The following XXYLT1 variants were observed in gnomAD, a reference collection of about 807,000 sequenced individuals.
XXYLT1 encodes the protein UDP-xylose:alpha-xyloside alpha-1,3-xylosyltransferase.
Under a neutral mutation model 28.9 loss-of-function variants are expected in XXYLT1, and 20 were observed. The observed-to-expected ratio is 0.69, with a 90% CI of 0.49 to 1.00. XXYLT1 has a LOEUF of 1.00. XXYLT1 is among the 50% of genes least tolerant of loss of function. The pLI is 0.00. For missense variants in XXYLT1, 542 were observed against 560.1 expected (o/e 0.97, Z 0.33); for synonymous variants, 257 against 253.8 (o/e 1.01, Z -0.12).
intron 1 of XXYLT1, 135 bp from the exon 2 acceptor site, chr3:195,226,991 TA>T: frequency 9.4e-7 from 1 of 1,066,228 alleles, no homozygotes; most frequent in Non-Finnish European, 1.3e-6. Context: ...GGGATGGGGC[TA>T]GGGGTAGCAA....
intron 3 of XXYLT1, among the ~76,000 whole-genome samples, chr3:195,090,075 A>G (rs1021596572): frequency 3.3e-5 from 5 of 150,324 alleles, no homozygotes; most frequent in Non-Finnish European, 7.4e-5. Context: ...CACATTAATA[A>G]TGGGAGACTT....
At chr3:195,230,731 T>C (rs1724265615) in intron 1 of XXYLT1, among the ~76,000 whole-genome samples, 1 of 152,208 alleles carries the variant, frequency 6.6e-6, no homozygotes, top group Non-Finnish European at 1.5e-5. Flanking sequence ...TCTGTTGCAT[T>C]GGTCTACGTG....
chr3:195,139,873 C>G (rs945408227), intron 3 of XXYLT1, among the ~76,000 whole-genome samples: 1 of 152,194 alleles, frequency 6.6e-6, no homozygotes, highest in Non-Finnish European at 1.5e-5. Flanking sequence ...TGGACTTCTC[C>G]CAGATGAGGA....
At chr3:195,131,086 CCCAAA>C (rs1224111995) in intron 3 of XXYLT1, among the ~76,000 whole-genome samples, 1 of 74,242 alleles carries the variant, frequency 1.3e-5, no homozygotes, top group East Asian at 1.9e-3. Context: ...AGAAATGGGA[CCCAAA>C]CAGTGTTCTC....
At chr3:195,236,267 G>C (rs986537101) in intron 1 of XXYLT1, among the ~76,000 whole-genome samples, 57 of 152,052 alleles carry the variant, frequency 3.7e-4, no homozygotes. Flanking sequence ...AAATCTGCCT[G>C]GTGCTCTATT....
In XXYLT1 at chr3:195,150,813, TAC is replaced by T. The variant is rs1193114506; in HGVS notation, c.785+5634_785+5635del. ...ATATGCACACTCTCACACACTCACA[TAC>T]ACACACACTCACACATACGCACACT... On this transcript the variant is annotated intron_variant, in intron 3 of 3. Coordinates refer to ENST00000310380, the MANE Select transcript of XXYLT1 (RefSeq NM_152531.5). The surrounding 1 kb of genome is among the most constrained non-coding windows in gnomAD (Gnocchi z 4.7). Among the ~76,000 whole-genome samples, 4 of 149,104 alleles carry T rather than the reference TAC, an allele frequency of 2.7e-5. No homozygotes were observed. The highest frequency in any genetic ancestry group is 4.1e-4 in the East Asian group (2 of 4,938).
intron 1 of XXYLT1, among the ~76,000 whole-genome samples, chr3:195,254,834 T>C (rs991887377): frequency 2.6e-5 from 4 of 152,152 alleles, no homozygotes; most frequent in Non-Finnish European, 4.4e-5. Flanking sequence ...CTCACACCAA[T>C]GTTTTGGGGC....
intron 2 of XXYLT1, chr3:195,184,801 G>C (rs1722105250): frequency 2.0e-6 from 2 of 985,282 alleles, no homozygotes; most frequent in African/African-American, 1.7e-5. Context: ...CTTCAATTAG[G>C]AAAAAAATCT....
At chr3:195,233,317 A>G (rs897708699) in intron 1 of XXYLT1, among the ~76,000 whole-genome samples, 2 of 152,062 alleles carry the variant, frequency 1.3e-5, no homozygotes, top group Admixed American at 6.5e-5. Flanking sequence ...AAAAAAATCT[A>G]TTCATTCACT....
chr3:195,131,738 C>T (rs1029543081), intron 3 of XXYLT1, among the ~76,000 whole-genome samples: 1 of 152,200 alleles, frequency 6.6e-6, no homozygotes, highest in Non-Finnish European at 1.5e-5. Flanking sequence ...AAATGTTTAC[C>T]AGTGACCCCA....
At chr3:195,215,893 C>G (rs1368067276) in intron 2 of XXYLT1, among the ~76,000 whole-genome samples, 1 of 152,202 alleles carries the variant, frequency 6.6e-6, no homozygotes, top group African/African-American at 2.4e-5. Context: ...CACACCACAT[C>G]TATTCCAAAC....
rs1714663260 is a variant in XXYLT1, at chr3:195,069,302, TTC to T, written c.*411_*412del. The T allele has an allele frequency of 5.5e-6, 1 of 182,560 alleles. No homozygotes were observed. Among genetic ancestry groups the T allele is most frequent in the Non-Finnish European group, 1.2e-5 (1 of 86,064 alleles). The allele number at this position is 182,560 out of a possible 1,614,324, so 11.3% of individuals were successfully genotyped here. A position where few individuals can be genotyped will look rare whatever the true frequency, so the allele number is the denominator to read the frequency against. The stretch of plus-strand genomic sequence containing the variant: ...TGGGGCTCGATGGGTGCTAAAGCAG[TTC>T]TGTTTGTACTTTCTCGAAAAATGGA... On this transcript the variant is annotated 3_prime_UTR_variant, in exon 4 of 4. Transcript: ENST00000310380.
At chr3:195,111,093 C>T (rs369162099) in intron 3 of XXYLT1, among the ~76,000 whole-genome samples, 3 of 152,066 alleles carry the variant, frequency 2.0e-5, no homozygotes, top group Non-Finnish European at 4.4e-5. Flanking sequence ...CCTCTGAGGG[C>T]TGCGAGGCCG....
chr3:195,268,204 TG>T (rs1402510536), intron 1 of XXYLT1, among the ~76,000 whole-genome samples: 1 of 151,812 alleles, frequency 6.6e-6, no homozygotes, highest in Admixed American at 6.6e-5. Flanking sequence ...CCAAGGTGGG[TG>T]GATCACCTGA....
chr3:195,188,290 A>G (rs932526623), intron 2 of XXYLT1, among the ~76,000 whole-genome samples: 20 of 152,196 alleles, frequency 1.3e-4, no homozygotes, highest in African/African-American at 3.9e-4. Flanking sequence ...GGGCTCAAAC[A>G]CGGGACCAAA....
chr3:195,248,919 C>G (rs570023238), intron 1 of XXYLT1, among the ~76,000 whole-genome samples: 1 of 152,158 alleles, frequency 6.6e-6, no homozygotes, highest in East Asian at 1.9e-4. Flanking sequence ...GACTCTGTCT[C>G]AAAAAACAAA....
At chr3:195,186,210 C>T (rs543718250) in intron 2 of XXYLT1, among the ~76,000 whole-genome samples, 10 of 152,348 alleles carry the variant, frequency 6.6e-5, no homozygotes, top group African/African-American at 1.2e-4. Context: ...TGGAACTCTT[C>T]GTTGAGCTTC....
rs573205754 is a variant in XXYLT1, at chr3:195,263,740, C to G, written c.504+6815G>C. Among the ~76,000 whole-genome samples, 19 of 152,218 alleles carry G rather than the reference C, an allele frequency of 1.2e-4. No homozygotes were observed. The South Asian group carries it at 3.9e-3, about 32-fold the overall frequency. On this transcript the variant is annotated intron_variant, in intron 1 of 3. Coordinates refer to ENST00000310380, the MANE Select transcript of XXYLT1 (RefSeq NM_152531.5). ...TTTCCTTCTTCCTCCTATTTGTCAC[C>G]AGGAAATGGAGCAACCCAGTCTCAG...
intron 1 of XXYLT1, among the ~76,000 whole-genome samples, chr3:195,243,417 G>T (rs570518198): frequency 6.6e-6 from 1 of 150,876 alleles, no homozygotes; most frequent in African/African-American, 2.4e-5. Flanking sequence ...TTTCCACCGA[G>T]AACCTTTACC....
Sources: gnomAD v4.1 joint callset for allele counts (sites outside exome capture counted in the v4.1 genomes callset) on GRCh38, gnomAD v4.1.1 for gene constraint, Gnocchi (gnomAD v3.1) non-coding constraint, MANE v1.5 for transcripts, NCBI Gene and HGNC (gene_info 2026-07-23, HGNC 2026-07-21) for gene names.